Variants in SPATA13 observed in about 807,000 individuals in gnomAD.
The protein encoded by SPATA13 is spermatogenesis-associated protein 13.
In SPATA13, 50 loss-of-function variants were observed where a neutral mutation model predicts 104.0. The ratio of observed to expected loss-of-function variants is 0.48; its 90% CI spans 0.38 to 0.61. The LOEUF (loss-of-function observed/expected upper bound fraction) is 0.61. SPATA13 is among the 20% of genes least tolerant of loss of function. The probability of loss-of-function intolerance (pLI) is 0.00; values close to 1 mark genes in which losing one functional copy is unlikely to be tolerated. For synonymous variants in SPATA13, 606 were observed against 667.5 expected, an observed-to-expected ratio of 0.91 and a Z score of 1.42; for missense variants, 1,524 against 1,690.6, an observed-to-expected ratio of 0.90 and a Z score of 1.73.
intron 2 of SPATA13, among the ~76,000 whole-genome samples, chr13:24,013,288 C>G (rs1876563536): frequency 6.6e-6 from 1 of 152,172 alleles, no homozygotes; most frequent in Non-Finnish European, 1.5e-5. Context: ...ATCTGAGCAC[C>G]CTGGCTTCCA....
intron 3 of SPATA13, chr13:24,122,042 A>G (rs1218352964): frequency 6.6e-7 from 1 of 1,511,660 alleles, no homozygotes; most frequent in African/African-American, 1.4e-5. Flanking sequence ...CTACAATCAC[A>G]CAGCAGGAAA....
At chr13:24,284,924 C>T (rs1477999233) in intron 5 of SPATA13, among the ~76,000 whole-genome samples, 2 of 152,174 alleles carry the variant, frequency 1.3e-5, no homozygotes, top group Non-Finnish European at 1.5e-5. Flanking sequence ...TGTCTAATTA[C>T]TGGCTGGCGA....
chr13:24,009,645 T>C, intron 2 of SPATA13, among the ~76,000 whole-genome samples: 1 of 152,184 alleles, frequency 6.6e-6, no homozygotes, highest in East Asian at 1.9e-4. Context: ...TCTAAAGACC[T>C]AGAATCAATA....
intron 3 of SPATA13, among the ~76,000 whole-genome samples, chr13:24,038,640 G>T (rs1246350561): frequency 3.9e-5 from 6 of 152,164 alleles, no homozygotes; most frequent in African/African-American, 1.4e-4. Context: ...ACTCAGCTCT[G>T]CCATTGCTGC....
Position 24,249,783 on chromosome 13 carries a change from G to A in SPATA13, c.1960G>A (p.Gly654Ser). 6.2e-7 allele frequency: 1 copy of A among 1,613,926 alleles called. No individual in the cohort carries two copies. The highest frequency in any genetic ancestry group is 8.5e-7 in the Non-Finnish European group (1 of 1,180,000). The change falls in exon 3 of 13, where the codon GGT becomes AGT. Residue 654 changes from glycine (G) to serine (S), a missense_variant. This residue lies in a region of SPATA13 where 1,089 missense variants were observed against 1,135.9 expected (regional missense o/e 0.96). Transcript: ENST00000382108. Reference protein sequence around the residue: ...ARRRRPISVIGGVSLYGTNQT... With the variant: ...ARRRRPISVISGVSLYGTNQT... ...GAGAAGGCGCCCCATTTCCGTGATA[G>A]GTGGGGTCAGCTTGTATGGGACCAA... is the stretch of plus-strand genomic sequence containing the variant.
intron 3 of SPATA13, among the ~76,000 whole-genome samples, chr13:24,085,811 C>T (rs1326705702): frequency 6.6e-6 from 1 of 152,212 alleles, no homozygotes; most frequent in Non-Finnish European, 1.5e-5. Context: ...ATTTAGGGTC[C>T]AGTGTATTTC....
chr13:24,180,805 A>T (rs1255991932), intron 1 of SPATA13, among the ~76,000 whole-genome samples: 1 of 151,374 alleles, frequency 6.6e-6, no homozygotes, highest in Non-Finnish European at 1.5e-5. Context: ...CATGTGATGG[A>T]TTTTTTTTTC....
Position 24,306,940 on chromosome 13 carries a change from A to C in SPATA13, c.*4167A>C, listed in dbSNP as rs916632287. 1.3e-5 allele frequency: 2 copies of C among 152,234 alleles called. No homozygotes were observed. The highest frequency in any genetic ancestry group is 4.8e-5 in the African/African-American group (2 of 41,458). The allele number at this position is 152,234 out of a possible 1,614,324, so 9.4% of individuals were successfully genotyped here. ...AGCCAAAGTATAGTGTACAAGATTG[A>C]TGTAACTTGATATGTATTTTTGTTG... is the stretch of plus-strand genomic sequence containing the variant. On this transcript the variant is annotated 3_prime_UTR_variant, in exon 13 of 13. Coordinates refer to ENST00000382108, the MANE Select transcript of SPATA13 (RefSeq NM_001166271.3).
chr13:24,211,155 A>G (rs1003845316), intron 1 of SPATA13, among the ~76,000 whole-genome samples: 4 of 152,292 alleles, frequency 2.6e-5, no homozygotes, highest in African/African-American at 9.6e-5. Context: ...TAACAGTTTT[A>G]TGGTAGTCTT....
intron 1 of SPATA13, among the ~76,000 whole-genome samples, chr13:24,207,076 A>G (rs1399869903): frequency 6.6e-6 from 1 of 152,186 alleles, no homozygotes; most frequent in African/African-American, 2.4e-5. Flanking sequence ...AGTTATATGG[A>G]TGGAGTTGGA....
At chr13:24,022,903 C>G (rs1877047662) in intron 3 of SPATA13, among the ~76,000 whole-genome samples, 1 of 152,012 alleles carries the variant, frequency 6.6e-6, no homozygotes, top group Admixed American at 6.6e-5. Flanking sequence ...TCTAAAAAAA[C>G]TATATAGAGG....
chr13:24,222,973 A>T lies in SPATA13; in HGVS notation c.44A>T (p.Asn15Ile), dbSNP rs376486791. Reference protein sequence around the residue: ...AVRPWAPCLENMTTAPNGLGP... With the variant: ...AVRPWAPCLEIMTTAPNGLGP... ...CGGCCCTGGGCACCCTGCCTGGAGA[A>T]CATGACCACTGCCCCAAACGGCCTC... is the stretch of plus-strand genomic sequence containing the variant. The change falls in exon 2 of 13, where the codon AAC (asparagine) becomes ATC (isoleucine). Residue 15 changes from asparagine to isoleucine, a missense_variant. By Grantham distance (149) the Asn-to-Ile change is moderately radical (BLOSUM62 -3). Transcript: ENST00000382108. The T allele has an allele frequency of 4.1e-5, 63 of 1,551,296 alleles. No homozygotes were observed. In the African/African-American group the frequency reaches 7.7e-4, roughly 19 times the overall value.
At chr13:24,128,236 TG>T (rs1003801859) in intron 3 of SPATA13, among the ~76,000 whole-genome samples, 6 of 152,166 alleles carry the variant, frequency 3.9e-5, no homozygotes, top group African/African-American at 1.2e-4. Context: ...AATGGCCAGT[TG>T]GACATTGTCC....
intron 3 of SPATA13, among the ~76,000 whole-genome samples, chr13:24,056,974 C>G (rs9553151): frequency 6.8e-6 from 1 of 146,732 alleles, no homozygotes; most frequent in South Asian, 2.2e-4. Flanking sequence ...GGGAAAAACT[C>G]GAGCCACAGA....
At chr13:24,182,537 A>G (rs2138526830) in intron 1 of SPATA13, among the ~76,000 whole-genome samples, 1 of 152,158 alleles carries the variant, frequency 6.6e-6, no homozygotes, top group South Asian at 2.1e-4. Context: ...GGCCCTTTAA[A>G]CAGCCAGCTC....
intron 3 of SPATA13, chr13:24,122,353 A>G (rs4769323): frequency 0.53 from 810,992 of 1,517,390 alleles, 219,668 homozygotes; most frequent in Admixed American, 0.59. Context: ...TATCTGATAC[A>G]CATCAACAGG....
At chr13:24,043,884 G>A (rs1011010137) in intron 3 of SPATA13, among the ~76,000 whole-genome samples, 1 of 152,224 alleles carries the variant, frequency 6.6e-6, no homozygotes, top group Non-Finnish European at 1.5e-5. Flanking sequence ...AATAAGGACT[G>A]CCAGGGGAGG....
At chr13:24,054,202 T>G (rs1250397213) in intron 3 of SPATA13, among the ~76,000 whole-genome samples, 3 of 152,150 alleles carry the variant, frequency 2.0e-5, no homozygotes, top group Non-Finnish European at 2.9e-5. Flanking sequence ...GGAGTTCCCA[T>G]CACACCCCAC....
intron 3 of SPATA13, among the ~76,000 whole-genome samples, chr13:24,063,517 C>T (rs544388599): frequency 3.9e-5 from 6 of 152,136 alleles, no homozygotes; most frequent in African/African-American, 1.4e-4. Context: ...AACATGCCTG[C>T]CAGATTCTCC....
Sources: gnomAD v4.1 joint callset for allele counts (sites outside exome capture counted in the v4.1 genomes callset) on GRCh38, gnomAD v4.1.1 for gene constraint, gnomAD v4.1.1 regional missense constraint, MANE v1.5 for transcripts, NCBI Gene and HGNC (gene_info 2026-07-23, HGNC 2026-07-21) for gene names.